ZC2HC1A: variants seen among roughly 807,000 people sequenced by gnomAD.
The protein encoded by ZC2HC1A is zinc finger C2HC domain-containing protein 1A.
Under a neutral mutation model 40.7 loss-of-function variants are expected in ZC2HC1A, and 28 were observed. The ratio of observed to expected loss-of-function variants is 0.69; its 90% CI spans 0.51 to 0.94. The LOEUF (loss-of-function observed/expected upper bound fraction) is 0.94. Ranked by LOEUF, ZC2HC1A falls within the 40% of genes least tolerant of loss-of-function variation. The probability of loss-of-function intolerance (pLI) is 0.00; values close to 1 mark genes in which losing one functional copy is unlikely to be tolerated. For missense variants in ZC2HC1A, 389 were observed against 386.3 expected (o/e 1.01, Z -0.06); for synonymous variants, 129 against 129.2 (o/e 1.00, Z 0.01).
At chr8:78,669,349 TTAAG>T (rs1809380136) in intron 1 of ZC2HC1A, among the ~76,000 whole-genome samples, 1 of 152,198 alleles carries the variant, frequency 6.6e-6, no homozygotes, top group Admixed American at 6.5e-5. Flanking sequence ...CTAAATTATA[TTAAG>T]TATTAAATAA....
At chr8:78,678,782 G>C (rs28429528) in intron 3 of ZC2HC1A, 103 bp downstream of exon 3, 464,048 of 636,780 alleles carry the variant, frequency 0.73, 171,582 homozygotes, top group East Asian at 0.92. Context: ...ACAATTATCT[G>C]CTACATTAAG....
At position 78,682,664 on chromosome 8, in the gene ZC2HC1A, C is replaced by T. The variant is rs1251553068; in HGVS notation, c.211-3803C>T. 2.0e-5 allele frequency among the ~76,000 whole-genome samples: 3 copies of T among 152,092 alleles called. No individual in the cohort carries two copies. The East Asian group carries it at 5.8e-4, about 29-fold the overall frequency. On this transcript the variant is annotated intron_variant, in intron 3 of 8. Coordinates refer to ENST00000263849, the MANE Select transcript of ZC2HC1A (RefSeq NM_016010.3). ...ACACAGCCAAACCATATCATTCTGT[C>T]CCTGGCCACTCCCAAATTTCATGCC...
At chr8:78,709,980 G>A (rs900198304) in intron 7 of ZC2HC1A, among the ~76,000 whole-genome samples, 9 of 152,086 alleles carry the variant, frequency 5.9e-5, no homozygotes, top group Non-Finnish European at 1.3e-4. Context: ...TACCTAGTAA[G>A]CCACACTAAA....
intron 7 of ZC2HC1A, among the ~76,000 whole-genome samples, chr8:78,702,653 T>C (rs1187734259): frequency 2.0e-5 from 3 of 152,182 alleles, no homozygotes; most frequent in Non-Finnish European, 2.9e-5. Context: ...GAGTCTGGTA[T>C]GTTGTTTCTT....
intron 7 of ZC2HC1A, among the ~76,000 whole-genome samples, chr8:78,703,536 C>CT (rs35710652): frequency 0.7 from 97,224 of 139,634 alleles, 34,806 homozygotes; most frequent in East Asian, 0.9. Flanking sequence ...TAATACCCTT[C>CT]TTTTTTTTTT....
chr8:78,697,483 G>A lies in ZC2HC1A; in HGVS notation c.581G>A (p.Ser194Asn), dbSNP rs1391875317. 4 of 1,608,304 alleles carry A rather than the reference G, an allele frequency of 2.5e-6. No individual in the cohort carries two copies. The highest frequency in any genetic ancestry group is 2.7e-5 in the African/African-American group (2 of 74,428). The part of the protein sequence containing the change: ...SSGSSRLPQP[S>N]GAGKTVVGVP... The stretch of plus-strand genomic sequence containing the variant: ...GGATCTTCACGATTACCGCAGCCAA[G>A]TGGCGCTGGCAAAACTGTTGTAGGT... The change falls in exon 6 of 9, where the codon AGT becomes AAT. Residue 194 changes from serine to asparagine, a missense_variant. Transcript: ENST00000263849.
chr8:78,688,972 T>C (rs914791489), intron 4 of ZC2HC1A, among the ~76,000 whole-genome samples: 1 of 151,984 alleles, frequency 6.6e-6, no homozygotes, highest in African/African-American at 2.4e-5. Flanking sequence ...TATCTTTTGT[T>C]TTTTTTCCTT....
At chr8:78,702,739 G>C (rs1465443858) in intron 7 of ZC2HC1A, among the ~76,000 whole-genome samples, 8 of 152,092 alleles carry the variant, frequency 5.3e-5, no homozygotes, top group African/African-American at 1.9e-4. Flanking sequence ...TCAGGAGAAG[G>C]TTATTCAATT....
At chr8:78,681,782 G>A (rs1037431931) in intron 3 of ZC2HC1A, among the ~76,000 whole-genome samples, 2 of 151,522 alleles carry the variant, frequency 1.3e-5, no homozygotes, top group African/African-American at 4.8e-5. Flanking sequence ...TGCCCATTTT[G>A]TCATAATTAT....
At chr8:78,670,202 G>T (rs1308586130) in intron 1 of ZC2HC1A, among the ~76,000 whole-genome samples, 1 of 151,976 alleles carries the variant, frequency 6.6e-6, no homozygotes, top group Non-Finnish European at 1.5e-5. Context: ...CCTGACCTCA[G>T]GTGGTCTGCC....
intron 7 of ZC2HC1A, among the ~76,000 whole-genome samples, chr8:78,712,797 C>T (rs1356276407): frequency 6.6e-6 from 1 of 151,930 alleles, no homozygotes; most frequent in East Asian, 1.9e-4. Flanking sequence ...GAAATTAGGG[C>T]CTAAAAATTA....
At chr8:78,707,419 C>G (rs1404797581) in intron 7 of ZC2HC1A, among the ~76,000 whole-genome samples, 1 of 152,206 alleles carries the variant, frequency 6.6e-6, no homozygotes, top group African/African-American at 2.4e-5. Flanking sequence ...GGGCATGTAT[C>G]TCTTTGTCAT....
intron 1 of ZC2HC1A, among the ~76,000 whole-genome samples, chr8:78,673,920 T>C (rs1419228757): frequency 1.3e-5 from 2 of 152,148 alleles, no homozygotes; most frequent in Admixed American, 1.3e-4. Flanking sequence ...AAAATGGTAT[T>C]GTATCTGTTT....
intron 7 of ZC2HC1A, among the ~76,000 whole-genome samples, chr8:78,712,975 C>G (rs1330048008): frequency 6.6e-6 from 1 of 152,064 alleles, no homozygotes; most frequent in Non-Finnish European, 1.5e-5. Flanking sequence ...CAGCCATTTG[C>G]TATTTTTAAG....
At chr8:78,674,433 T>A (rs1198567945) in intron 1 of ZC2HC1A, among the ~76,000 whole-genome samples, 1 of 152,192 alleles carries the variant, frequency 6.6e-6, no homozygotes. Context: ...GAGACCATCA[T>A]TTTGAAGACT....
chr8:78,699,480 T>G (rs1019189180), intron 7 of ZC2HC1A, among the ~76,000 whole-genome samples: 1 of 152,152 alleles, frequency 6.6e-6, no homozygotes, highest in African/African-American at 2.4e-5. Context: ...AATTTTAACT[T>G]TTAAGTTCAG....
intron 3 of ZC2HC1A, among the ~76,000 whole-genome samples, chr8:78,683,751 C>A (rs796558734): frequency 1.6e-4 from 25 of 152,240 alleles, no homozygotes; most frequent in African/African-American, 5.5e-4. Flanking sequence ...TTTTTCTTTT[C>A]TGTTACATCA....
At chr8:78,686,088 A>G in intron 3 of ZC2HC1A, 1 of 153,052 alleles carries the variant, frequency 6.5e-6, no homozygotes, top group South Asian at 2.1e-4. Flanking sequence ...TGAGGGCGGA[A>G]CCATAATGAC....
chr8:78,694,873 C>T (rs745581060), intron 5 of ZC2HC1A, among the ~76,000 whole-genome samples: 2 of 152,106 alleles, frequency 1.3e-5, no homozygotes, highest in Non-Finnish European at 2.9e-5. Flanking sequence ...TGTATAAAAT[C>T]ATTTCATTCT....
Sources: gnomAD v4.1 joint callset for allele counts (sites outside exome capture counted in the v4.1 genomes callset) on GRCh38, gnomAD v4.1.1 for gene constraint, MANE v1.5 for transcripts, NCBI Gene and HGNC (gene_info 2026-07-23, HGNC 2026-07-21) for gene names.